Variants in CCNH observed in about 807,000 individuals in gnomAD.
CCNH encodes the protein cyclin-H.
A neutral mutation model predicts 41.9 loss-of-function variants in CCNH; 31 were observed. That is an observed-to-expected ratio of 0.74 (90% CI 0.56 to 1.00). CCNH has a LOEUF of 1.00. Ranked by LOEUF, CCNH falls within the 50% of genes least tolerant of loss-of-function variation. The pLI, the probability that CCNH is intolerant of heterozygous loss-of-function variation, is 0.00. For missense variants in CCNH, 362 were observed against 388.4 expected (o/e 0.93, Z 0.57); for synonymous variants, 138 against 136.1 (o/e 1.01, Z -0.10).
chr5:87,335,604 TTA>T (rs1414940237), intron 9 of CCNH, among the ~76,000 whole-genome samples: 1 of 151,668 alleles, frequency 6.6e-6, no homozygotes, highest in Non-Finnish European at 1.5e-5. Flanking sequence ...TTTGATATTT[TTA>T]GTAGAGATGG....
chr5:87,345,978 A>C (rs1382448169), intron 9 of CCNH, among the ~76,000 whole-genome samples: 2 of 152,142 alleles, frequency 1.3e-5, no homozygotes, highest in African/African-American at 2.4e-5. Flanking sequence ...AATCAGATAT[A>C]TCCTTTTATT....
chr5:87,340,542 C>A (rs1758357618), intron 9 of CCNH, among the ~76,000 whole-genome samples: 1 of 151,916 alleles, frequency 6.6e-6, no homozygotes, highest in Non-Finnish European at 1.5e-5. Flanking sequence ...TGTAGTTAGA[C>A]CATTTTTCTC....
At chr5:87,361,974 G>C (rs553315273) in intron 9 of CCNH, among the ~76,000 whole-genome samples, 39 of 152,236 alleles carry the variant, frequency 2.6e-4, no homozygotes, top group Admixed American at 5.2e-4. Context: ...TGGCAGAGGA[G>C]GATTATCTGA....
chr5:87,338,354 CAG>C (rs1349794551), intron 9 of CCNH, among the ~76,000 whole-genome samples: 3 of 150,450 alleles, frequency 2.0e-5, no homozygotes, highest in East Asian at 2.0e-4. Flanking sequence ...TCTTTTGAGA[CAG>C]AGTCTTGGTC....
At chr5:87,406,117 G>A (rs939893449) in intron 4 of CCNH, among the ~76,000 whole-genome samples, 23 of 152,038 alleles carry the variant, frequency 1.5e-4, no homozygotes, top group African/African-American at 5.6e-4. Flanking sequence ...TCTTACCAAA[G>A]AAAGGCGCTA....
At chr5:87,375,261 GCTTT>G (rs1761245246), downstream of CCNH, among the ~76,000 whole-genome samples, 1 of 151,740 alleles carries the variant, frequency 6.6e-6, no homozygotes, top group South Asian at 2.1e-4. Context: ...GGTTTTTCCT[GCTTT>G]TTTTTTTCTT....
At chr5:87,333,810 A>T (rs760643251) in intron 9 of CCNH, among the ~76,000 whole-genome samples, 1 of 152,142 alleles carries the variant, frequency 6.6e-6, no homozygotes, top group Admixed American at 6.5e-5. Flanking sequence ...TCTATAAGCT[A>T]TTTAATTTTC....
At chr5:87,383,985 T>C (rs1480218886) in intron 9 of CCNH, among the ~76,000 whole-genome samples, 1 of 151,964 alleles carries the variant, frequency 6.6e-6, no homozygotes, top group Admixed American at 6.6e-5. Flanking sequence ...CCATCTCATA[T>C]CTGGTCTGAG....
intron 9 of CCNH, among the ~76,000 whole-genome samples, chr5:87,322,064 G>T (rs1377358929): frequency 6.6e-6 from 1 of 152,132 alleles, no homozygotes; most frequent in East Asian, 1.9e-4. Context: ...TTGGAAGTGG[G>T]GTCTGGTGGG....
chr5:87,381,480 T>C (rs1217282017), upstream of CCNH, among the ~76,000 whole-genome samples: 1 of 152,266 alleles, frequency 6.6e-6, no homozygotes, highest in East Asian at 1.9e-4. Context: ...TCATGCTATA[T>C]GTAAAATAAT....
At chr5:87,380,445 G>C (rs1400293028), upstream of CCNH, 6 of 1,400,846 alleles carry the variant, frequency 4.3e-6, no homozygotes, top group African/African-American at 1.4e-5. Flanking sequence ...TTAAGCTTTT[G>C]GCTGCTAGGA....
Position 87,340,772 on chromosome 5 carries a change from T to TG in CCNH, c.*91-21876dup, listed in dbSNP as rs553555055. ...TATCTAACAAGTAGAAAGCAAAAAG[T>TG]GGAAAGTACATTCTAAGAACAAAAA... is the stretch of plus-strand genomic sequence containing the variant. On this transcript the variant is annotated intron_variant and NMD_transcript_variant, in intron 9 of 9. Coordinates refer to the CCNH transcript ENST00000645953. Among the ~76,000 whole-genome samples the TG allele has an allele frequency of 7.2e-5, 11 of 152,208 alleles. No individual in the cohort carries two copies. The East Asian group carries it at 2.1e-3, about 29-fold the overall frequency.
At chr5:87,314,609 A>G (rs925040797), downstream of CCNH, among the ~76,000 whole-genome samples, 9 of 152,222 alleles carry the variant, frequency 5.9e-5, no homozygotes, top group African/African-American at 2.2e-4. Flanking sequence ...TTGGTCTTAA[A>G]AAAACCAGCA....
intron 9 of CCNH, chr5:87,383,925 C>T: frequency 1.4e-6 from 1 of 724,824 alleles, no homozygotes; most frequent in Non-Finnish European, 2.3e-6. Context: ...AGCACCCTTC[C>T]TTCCTTGTGC....
chr5:87,353,031 T>C (rs577068423), intron 9 of CCNH: 1 of 681,266 alleles, frequency 1.5e-6, no homozygotes, highest in East Asian at 2.7e-5. Flanking sequence ...TATTAATGTA[T>C]TTGTGTTATG....
intron 9 of CCNH, among the ~76,000 whole-genome samples, chr5:87,361,410 AGAG>A (rs1207205812): frequency 1.3e-5 from 2 of 152,238 alleles, no homozygotes; most frequent in Non-Finnish European, 2.9e-5. Flanking sequence ...GTTTCAAGAT[AGAG>A]GATTATGAAA....
At chr5:87,353,670 ATGTC>A (rs1178044898) in intron 9 of CCNH, among the ~76,000 whole-genome samples, 1 of 152,002 alleles carries the variant, frequency 6.6e-6, no homozygotes, top group African/African-American at 2.4e-5. Context: ...GGATTTGAGA[ATGTC>A]TGTATACTCT....
chr5:87,340,155 C>T (rs1478023251), intron 9 of CCNH, among the ~76,000 whole-genome samples: 1 of 152,104 alleles, frequency 6.6e-6, no homozygotes, highest in Non-Finnish European at 1.5e-5. Flanking sequence ...TTTCCCTCTT[C>T]CTTGACATTC....
intron 9 of CCNH, chr5:87,330,984 G>T: frequency 1.4e-6 from 2 of 1,428,940 alleles, no homozygotes; most frequent in South Asian, 1.4e-5. Flanking sequence ...TAAGATCGAG[G>T]TAGTAAATTA....
Sources: gnomAD v4.1 joint callset for allele counts (sites outside exome capture counted in the v4.1 genomes callset) on GRCh38, gnomAD v4.1.1 for gene constraint, MANE v1.5 for transcripts, NCBI Gene and HGNC (gene_info 2026-07-23, HGNC 2026-07-21) for gene names.